The following TTC39C variants were observed in gnomAD, a reference collection of about 807,000 sequenced individuals.
TTC39C encodes tetratricopeptide repeat protein 39C.
TTC39C carries 33 observed loss-of-function variants against 76.3 expected under a neutral mutation model. That is an observed-to-expected ratio of 0.43 (90% CI 0.33 to 0.58). The LOEUF (loss-of-function observed/expected upper bound fraction) is 0.58. TTC39C is among the 20% of genes least tolerant of loss of function. TTC39C has a pLI of 0.04. For synonymous variants in TTC39C, 254 were observed against 260.6 expected (o/e 0.97, Z 0.24); for missense variants, 595 against 701.4 (o/e 0.85, Z 1.71).
chr18:24,095,372 T>C (rs1410266270), intron 6 of TTC39C, among the ~76,000 whole-genome samples: 2 of 152,250 alleles, frequency 1.3e-5, no homozygotes, highest in Non-Finnish European at 2.9e-5. Flanking sequence ...TTATCATTCA[T>C]GTGTTCACTG....
chr18:24,013,096 A>G (rs1438357055), upstream of TTC39C: 1 of 152,192 alleles, frequency 6.6e-6, no homozygotes, highest in East Asian at 1.9e-4. Flanking sequence ...GACACTGCTG[A>G]TGTTTGAGAC....
At chr18:24,022,768 T>C (rs1024165478) in intron 1 of TTC39C, 31 of 985,278 alleles carry the variant, frequency 3.1e-5, no homozygotes, top group African/African-American at 3.5e-5. Context: ...TCCTGTGATG[T>C]GGCCCTGTCT....
At chr18:24,099,562 A>G (rs1411543957) in intron 6 of TTC39C, among the ~76,000 whole-genome samples, 1 of 151,988 alleles carries the variant, frequency 6.6e-6, no homozygotes, top group East Asian at 1.9e-4. Flanking sequence ...GTATGTATTT[A>G]AATGTGAATA....
chr18:24,014,220 GCGTGGGGTTTCAGTTACT>G (rs1228396008), upstream of TTC39C, among the ~76,000 whole-genome samples: 111 of 152,114 alleles, frequency 7.3e-4, 1 homozygote, highest in African/African-American at 2.3e-3. Flanking sequence ...GGCGCGGGCT[GCGTGGGGTTTCAGTTACT>G]CGTGGAGTTT....
chr18:24,093,596 A>G (rs568228536), intron 6 of TTC39C, among the ~76,000 whole-genome samples: 2 of 152,304 alleles, frequency 1.3e-5, no homozygotes, highest in South Asian at 2.1e-4. Context: ...ACTAAGATAT[A>G]CAGGCATACA....
At chr18:23,994,786 A>AACTTGGCT (rs1352135106) in intron 1 of TTC39C, among the ~76,000 whole-genome samples, 1 of 152,164 alleles carries the variant, frequency 6.6e-6, no homozygotes, top group African/African-American at 2.4e-5. Context: ...AATAAACTGC[A>AACTTGGCT]ACTTGGCTGC....
intron 2 of TTC39C, among the ~76,000 whole-genome samples, chr18:24,065,679 G>A (rs7235900): frequency 0.049 from 7,439 of 152,212 alleles, 587 homozygotes; most frequent in African/African-American, 0.17. Flanking sequence ...TGCATCAGAC[G>A]CCACTGTAAA....
At chr18:24,080,523 A>G (rs1379410658) in intron 4 of TTC39C, 62 bp from the exon 5 acceptor site, 4 of 1,287,908 alleles carry the variant, frequency 3.1e-6, no homozygotes, top group African/African-American at 1.5e-5. Flanking sequence ...AGTATCCTTT[A>G]CTATAGAAAT....
intron 6 of TTC39C, among the ~76,000 whole-genome samples, chr18:24,104,894 C>G (rs1277851295): frequency 6.6e-6 from 1 of 151,894 alleles, no homozygotes; most frequent in Non-Finnish European, 1.5e-5. Flanking sequence ...TTCCACATCC[C>G]CAGTAGTATT....
Position 24,091,810 on chromosome 18 carries a change from G to C in TTC39C, c.984+8729G>C, listed in dbSNP as rs182343027. Among the ~76,000 whole-genome samples, 542 of 152,038 alleles carry C rather than the reference G, an allele frequency of 3.6e-3. 7 individuals carry two copies. Among genetic ancestry groups the C allele is most frequent in the African/African-American group, 0.012 (502 of 41,518 alleles). Reference sequence around the variant, plus strand: ...GCCAATTTAAAAATGGACAATGGGGGCAGGCGCGGTGGCTCACGCCTGTAA... The same window carrying C: ...GCCAATTTAAAAATGGACAATGGGGCCAGGCGCGGTGGCTCACGCCTGTAA... On this transcript the variant is annotated intron_variant, in intron 6 of 13. Transcript: ENST00000317571.
At chr18:24,117,461 G>A (rs1441914042) in intron 7 of TTC39C, among the ~76,000 whole-genome samples, 3 of 152,126 alleles carry the variant, frequency 2.0e-5, no homozygotes, top group Admixed American at 6.5e-5. Context: ...CAGCACTTTG[G>A]GAGGCTGAGG....
intron 6 of TTC39C, among the ~76,000 whole-genome samples, chr18:24,106,103 CA>C (rs1230400479): frequency 6.6e-6 from 1 of 152,226 alleles, no homozygotes; most frequent in Non-Finnish European, 1.5e-5. Flanking sequence ...TAGCTCATCA[CA>C]TCTTCAACAA....
chr18:24,131,330 G>A (rs765029409), intron 12 of TTC39C, among the ~76,000 whole-genome samples: 1 of 151,954 alleles, frequency 6.6e-6, no homozygotes, highest in Non-Finnish European at 1.5e-5. Flanking sequence ...TATCTTAGAG[G>A]TTGCCTTTTA....
intron 8 of TTC39C, among the ~76,000 whole-genome samples, chr18:24,123,298 G>C (rs1184413039): frequency 1.3e-5 from 2 of 152,174 alleles, no homozygotes; most frequent in Non-Finnish European, 2.9e-5. Flanking sequence ...GCTTTCCCCA[G>C]GTCCCCCAAA....
In TTC39C at chr18:24,027,977, A is replaced by G. The variant is rs192894567; in HGVS notation, c.167+12939A>G. 3.3e-5 allele frequency among the ~76,000 whole-genome samples: 5 copies of G among 152,258 alleles called. No individual in the cohort carries two copies. In the East Asian group the frequency reaches 5.8e-4, roughly 18 times the overall value. On this transcript the variant is annotated intron_variant, in intron 1 of 13. Transcript: ENST00000317571. ...ACATTATAGCCAGGTTTGCACAGAA[A>G]AGAGTTTTGTTTACATCTGGAATGC...
At chr18:24,073,583 A>T (rs1479382132) in intron 4 of TTC39C, among the ~76,000 whole-genome samples, 1 of 151,810 alleles carries the variant, frequency 6.6e-6, no homozygotes, top group Non-Finnish European at 1.5e-5. Flanking sequence ...GCTGGAGATC[A>T]TAGCTCACTT....
chr18:24,024,429 G>A (rs906702661), intron 1 of TTC39C, among the ~76,000 whole-genome samples: 2 of 152,150 alleles, frequency 1.3e-5, no homozygotes, highest in Admixed American at 1.3e-4. Flanking sequence ...AGGTGAGAAG[G>A]CGCTGCAGAG....
intron 1 of TTC39C, among the ~76,000 whole-genome samples, chr18:24,028,661 C>T (rs2083626531): frequency 6.6e-6 from 1 of 152,152 alleles, no homozygotes; most frequent in Admixed American, 6.5e-5. Context: ...ATGTTTCTAG[C>T]TTCCCTTTGA....
intron 6 of TTC39C, among the ~76,000 whole-genome samples, chr18:24,103,743 G>A (rs1362514408): frequency 4.9e-5 from 6 of 121,250 alleles, no homozygotes; most frequent in African/African-American, 1.8e-4. Flanking sequence ...AGCCAACACT[G>A]TTTTTCTCCT....
Sources: allele counts gnomAD v4.1 joint callset (sites outside exome capture counted in the v4.1 genomes callset), GRCh38; gene constraint gnomAD v4.1.1; transcripts MANE v1.5; gene names NCBI Gene and HGNC (gene_info 2026-07-23, HGNC 2026-07-21).